WDR91: variants seen among roughly 807,000 people sequenced by gnomAD.
The protein encoded by WDR91 is WD repeat domain 91.
WDR91 carries 52 observed loss-of-function variants against 88.4 expected under a neutral mutation model. The ratio of observed to expected loss-of-function variants is 0.59; its 90% confidence interval spans 0.47 to 0.74. The LOEUF (loss-of-function observed/expected upper bound fraction) is 0.74, where lower values mean the gene tolerates loss of function less well. WDR91 is among the 30% of genes least tolerant of loss of function. WDR91 has a pLI of 0.00. For missense variants in WDR91, 824 were observed against 954.5 expected (o/e 0.86, Z 1.80); for synonymous variants, 362 against 389.5 (o/e 0.93, Z 0.83).
intron 3 of WDR91, among the ~76,000 whole-genome samples, chr7:135,208,018 G>A (rs1020009338): frequency 1.3e-5 from 2 of 152,166 alleles, no homozygotes; most frequent in Non-Finnish European, 2.9e-5. Context: ...CAGAAAGGGT[G>A]AAGGCAGGAA....
intron 11 of WDR91, among the ~76,000 whole-genome samples, chr7:135,190,250 A>T (rs1831113490): frequency 1.3e-5 from 2 of 152,208 alleles, no homozygotes; most frequent in Non-Finnish European, 2.9e-5. Context: ...CGTCACATGG[A>T]GCTGAGACTC....
intron 6 of WDR91, among the ~76,000 whole-genome samples, chr7:135,201,121 G>C (rs1331963074): frequency 6.6e-6 from 1 of 152,158 alleles, no homozygotes; most frequent in East Asian, 1.9e-4. Flanking sequence ...ATGCTTTGGT[G>C]CCTTACATTA....
intron 1 of WDR91, chr7:135,210,701 G>A (rs1182256257): frequency 2.9e-6 from 2 of 691,158 alleles, no homozygotes; most frequent in African/African-American, 3.5e-5. Flanking sequence ...CCACTAAGTA[G>A]CCACTAACTT....
chr7:135,187,812 C>T (rs1385330427), intron 13 of WDR91, among the ~76,000 whole-genome samples: 1 of 152,152 alleles, frequency 6.6e-6, no homozygotes, highest in Non-Finnish European at 1.5e-5. Flanking sequence ...AAGTCCCTTC[C>T]CAAACTTTTC....
chr7:135,187,073 C>T lies in WDR91; in HGVS notation c.1978G>A (p.Gly660Ser), dbSNP rs747306292. 14 of 1,614,122 alleles carry T rather than the reference C, an allele frequency of 8.7e-6. No individual in the cohort carries two copies. Among genetic ancestry groups the T allele is most frequent in the Admixed American group, 3.3e-5 (2 of 60,012 alleles). ...CTGGGGACTTGAACCTGCTTGTAGC[C>T]GCTGTATCCAGACAGCACAAAGGGG... Reference protein sequence around the residue: ...TGPFVLSGYSGYKQVQVPRGR... With the variant: ...TGPFVLSGYSSYKQVQVPRGR... Residue 660 changes from glycine to serine, a missense_variant, in exon 14 of 15, where the codon GGC (glycine) becomes AGC (serine). By Grantham distance (56) the Gly-to-Ser change is moderately conservative. Transcript: ENST00000354475.
chr7:135,196,403 A>T lies in WDR91; in HGVS notation c.1051-66T>A. The T allele has an allele frequency of 7.1e-7, 1 of 1,410,456 alleles. No individual in the cohort carries two copies. Among genetic ancestry groups the T allele is most frequent in the South Asian group, 1.5e-5 (1 of 67,414 alleles). The allele number at this position is 1,410,456 out of a possible 1,614,324, so 87.4% of individuals were successfully genotyped here. A position where few individuals can be genotyped will look rare whatever the true frequency, so the allele number is the denominator to read the frequency against. On this transcript the variant is annotated intron_variant, in intron 7 of 14. Coordinates refer to ENST00000354475, the MANE Select transcript of WDR91 (RefSeq NM_014149.4). This position sits in a 1 kb window ranked among gnomAD's most constrained non-coding sequence, Gnocchi z 4.2. ...TCCCCCACACCAGGGTGTACACCGC[A>T]GGGGGTCTAGGCCTAGGCTGCAGCA...
rs62481918 is a variant in WDR91 at position 135,195,460 on chromosome 7, A to C, written c.1245-376T>G. On this transcript the variant is annotated intron_variant, in intron 8 of 14. Coordinates refer to ENST00000354475, the MANE Select transcript of WDR91 (RefSeq NM_014149.4). ...CTGTCAAAACGAGAAACCCATCTAC[A>C]GCTGAAAATTATGCCCCACCAGGGT... Among the ~76,000 whole-genome samples, 1,116 of 152,366 alleles carry C rather than the reference A, an allele frequency of 7.3e-3. 7 individuals are homozygous for C. Among genetic ancestry groups the C allele is most frequent in the Non-Finnish European group, 0.011 (731 of 68,034 alleles).
chr7:135,203,698 C>T (rs1831655836), intron 6 of WDR91, among the ~76,000 whole-genome samples: 1 of 152,198 alleles, frequency 6.6e-6, no homozygotes, highest in Non-Finnish European at 1.5e-5. Flanking sequence ...TGAACTCACA[C>T]TTGAGCCACC....
In WDR91 at chr7:135,186,104, C is replaced by T. The variant is rs751977642; in HGVS notation, c.*47G>A. On this transcript the variant is annotated 3_prime_UTR_variant, in exon 15 of 15. Transcript: ENST00000354475. ...TTTTCCTGTCCTATATCTCCTCCCCCCACCGCAGATAATACTGCTTCCTCG... is the reference window on the plus strand; with the variant it reads ...TTTTCCTGTCCTATATCTCCTCCCCTCACCGCAGATAATACTGCTTCCTCG... 2 of 1,542,988 alleles carry T rather than the reference C, an allele frequency of 1.3e-6. No homozygotes were observed. The highest frequency in any genetic ancestry group is 4.8e-5 in the East Asian group (2 of 41,842).
intron 13 of WDR91, 90 bp downstream of exon 13, chr7:135,188,343 T>C: frequency 9.9e-7 from 1 of 1,005,832 alleles, no homozygotes; most frequent in Non-Finnish European, 1.6e-6. Context: ...AGGCCCCAGG[T>C]TGCAGAGCTA....
chr7:135,195,908 C>T (rs924421471), intron 8 of WDR91, among the ~76,000 whole-genome samples: 3 of 151,596 alleles, frequency 2.0e-5, no homozygotes, highest in African/African-American at 7.3e-5. Context: ...GATCGTGCCA[C>T]TGCACTCCAG....
chr7:135,208,138 CATTCA>C (rs1359130342), intron 3 of WDR91, among the ~76,000 whole-genome samples: 3 of 152,206 alleles, frequency 2.0e-5, no homozygotes, highest in Admixed American at 2.0e-4. Flanking sequence ...CAGCCAGCCC[CATTCA>C]AGCCAGACTC....
At chr7:135,207,776 G>T (rs1253913991) in intron 3 of WDR91, among the ~76,000 whole-genome samples, 3 of 152,262 alleles carry the variant, frequency 2.0e-5, no homozygotes, top group Non-Finnish European at 4.4e-5. Flanking sequence ...GCCTCAGGCA[G>T]CTTCAGTTAG....
chr7:135,191,781 A>AT (rs2117643152), intron 11 of WDR91, among the ~76,000 whole-genome samples: 1 of 152,292 alleles, frequency 6.6e-6, no homozygotes, highest in East Asian at 1.9e-4. Flanking sequence ...TTTTCTTCTC[A>AT]TTATACTATA....
rs764259255 is a variant in WDR91, at chr7:135,211,525, G to A, written c.-23C>T. 5 of 1,603,528 alleles carry A rather than the reference G, an allele frequency of 3.1e-6. No homozygotes were observed. The highest frequency in any genetic ancestry group is 2.5e-6 in the Non-Finnish European group (3 of 1,178,026). On this transcript the variant is annotated 5_prime_UTR_variant, in exon 1 of 15. Transcript: ENST00000354475. ...CATCGCAGCGCTAGCGTCTTTAGGGGTGGTGCGGTGAGGGACGGAGGGGCG... is the reference window on the plus strand; with the variant it reads ...CATCGCAGCGCTAGCGTCTTTAGGGATGGTGCGGTGAGGGACGGAGGGGCG...
At position 135,188,294 on chromosome 7, in the gene WDR91, A is replaced by G. The variant is rs1585401916; in HGVS notation, c.1881+139T>C. On this transcript the variant is annotated intron_variant, in intron 13 of 14. Coordinates refer to ENST00000354475, the MANE Select transcript of WDR91 (RefSeq NM_014149.4). ...CGCAAAGATTGTAAGACGAATTACTAGTTTATCCCTATTCTACAGATAACA... is the reference window on the plus strand; with the variant it reads ...CGCAAAGATTGTAAGACGAATTACTGGTTTATCCCTATTCTACAGATAACA... The G allele has an allele frequency of 2.0e-5, 13 of 648,518 alleles. No homozygotes were observed. The East Asian group carries it at 2.9e-4, about 14-fold the overall frequency. The allele number at this position is 648,518 out of a possible 1,614,324, so 40.2% of individuals were successfully genotyped here.
intron 1 of WDR91, 117 bp downstream of exon 1, chr7:135,211,263 C>T: frequency 1.4e-6 from 2 of 1,430,910 alleles, no homozygotes; most frequent in Non-Finnish European, 9.2e-7. Flanking sequence ...CTGAGGTCTC[C>T]GGCGCCCCGG....
At position 135,186,963 on chromosome 7, in the gene WDR91, A is replaced by G. The variant is rs1156839971; in HGVS notation, c.2079+9T>C. 1.2e-6 allele frequency: 2 copies of G among 1,613,148 alleles called. No homozygotes were observed. The highest frequency in any genetic ancestry group is 1.7e-6 in the Non-Finnish European group (2 of 1,179,950). On this transcript the variant is annotated intron_variant, in intron 14 of 14. Coordinates refer to ENST00000354475, the MANE Select transcript of WDR91 (RefSeq NM_014149.4). ...ATACCACTACCTCCCACCCCCAACC[A>G]TCAGTTACCTTGTAGATGACGCCGC...
In WDR91 at chr7:135,208,869, T is replaced by C; in HGVS notation, c.433A>G (p.Thr145Ala). ...PSPDTNPTFATYFSRQWADTF... is the reference protein window; with the variant it reads ...PSPDTNPTFAAYFSRQWADTF... The stretch of plus-strand genomic sequence containing the variant: ...TCAGCCCACTGTCGAGAAAAGTAGG[T>C]AGCAAAGGTGGGGTTGGTGTCCGGG... Residue 145 changes from threonine (T) to alanine (A), a missense_variant, in exon 3 of 15, where the codon ACC (threonine) becomes GCC (alanine). Transcript: ENST00000354475. 1 of 1,614,082 alleles carries C rather than the reference T, an allele frequency of 6.2e-7. No homozygotes were observed. The highest frequency in any genetic ancestry group is 8.5e-7 in the Non-Finnish European group (1 of 1,180,000).
Sources: allele counts gnomAD v4.1 joint callset (sites outside exome capture counted in the v4.1 genomes callset), GRCh38; gene constraint gnomAD v4.1.1; non-coding constraint Gnocchi (gnomAD v3.1); transcripts MANE v1.5; gene names NCBI Gene and HGNC (gene_info 2026-07-23, HGNC 2026-07-21).